POU2F1: variants seen among roughly 807,000 people sequenced by gnomAD.
The protein encoded by POU2F1 is POU domain, class 2, transcription factor 1.
Under a neutral mutation model 84.9 loss-of-function variants are expected in POU2F1, and 16 were observed. That is an observed-to-expected ratio of 0.19 (90% CI 0.13 to 0.29). The LOEUF (loss-of-function observed/expected upper bound fraction) is 0.29, where lower values mean the gene tolerates loss of function less well. Ranked by LOEUF, POU2F1 falls within the 10% of genes least tolerant of loss-of-function variation. The probability of loss-of-function intolerance (pLI) is 1.00; values close to 1 mark genes in which losing one functional copy is unlikely to be tolerated. For synonymous variants in POU2F1, 368 were observed against 368.3 expected (o/e 1.00, Z 0.01); for missense variants, 738 against 942.6 (o/e 0.78, Z 2.84).
At chr1:167,334,223 C>T (rs1036806077) in intron 2 of POU2F1, among the ~76,000 whole-genome samples, 1 of 134,434 alleles carries the variant, frequency 7.4e-6, no homozygotes, top group Non-Finnish European at 1.5e-5. Flanking sequence ...TGCAATGGTG[C>T]GACCTCGGCT....
In POU2F1 at chr1:167,255,519, T is replaced by TTAAAG. The variant is rs374823285; in HGVS notation, c.61+34562_61+34566dup. On this transcript the variant is annotated intron_variant, in intron 1 of 15. Coordinates refer to ENST00000367866, the MANE Select transcript of POU2F1 (RefSeq NM_002697.4). ...TTATGGTGCTGAAAACAAGCATACA[T>TTAAAG]TAAAGAATATGAAGAAAGGAGAATA... Among the ~76,000 whole-genome samples the TTAAAG allele has an allele frequency of 3.8e-3, 580 of 152,232 alleles. 3 individuals carry two copies. The highest frequency in any genetic ancestry group is 0.013 in the African/African-American group (558 of 41,532).
intron 1 of POU2F1, among the ~76,000 whole-genome samples, chr1:167,230,878 T>C (rs1649015334): frequency 6.6e-6 from 1 of 152,228 alleles, no homozygotes; most frequent in Admixed American, 6.5e-5. Flanking sequence ...TTTGTCACCA[T>C]GGGGTGACCC....
At chr1:167,397,361 C>T (rs910730850) in intron 10 of POU2F1, among the ~76,000 whole-genome samples, 11 of 152,040 alleles carry the variant, frequency 7.2e-5, no homozygotes, top group Admixed American at 2.0e-4. Flanking sequence ...CTTTTATCCC[C>T]AGAACTTATA....
chr1:167,289,306 G>A (rs985507701), intron 1 of POU2F1, among the ~76,000 whole-genome samples: 3 of 152,152 alleles, frequency 2.0e-5, no homozygotes, highest in Non-Finnish European at 4.4e-5. Context: ...TACCACTAAG[G>A]TTGCTGTACT....
intron 1 of POU2F1, among the ~76,000 whole-genome samples, chr1:167,224,380 TC>T (rs1250789092): frequency 1.3e-5 from 2 of 152,200 alleles, no homozygotes; most frequent in African/African-American, 4.8e-5. Context: ...GGCTGTGTAT[TC>T]TTTAAGGTGG....
intron 2 of POU2F1, among the ~76,000 whole-genome samples, chr1:167,353,394 C>T (rs551438871): frequency 6.6e-6 from 1 of 151,774 alleles, no homozygotes. Context: ...TCTCTTTACC[C>T]CCACCGCCTC....
chr1:167,308,032 T>C (rs1465699997), intron 1 of POU2F1, among the ~76,000 whole-genome samples: 11 of 152,112 alleles, frequency 7.2e-5, no homozygotes, highest in Admixed American at 7.2e-4. Flanking sequence ...TGTATTCTTA[T>C]TGCATCCTTT....
chr1:167,296,920 C>A (rs772574321), intron 1 of POU2F1, among the ~76,000 whole-genome samples: 1 of 152,000 alleles, frequency 6.6e-6, no homozygotes, highest in Non-Finnish European at 1.5e-5. Context: ...TGCAAATATG[C>A]TATATATGTT....
At chr1:167,289,406 TAGG>T (rs1341019069) in intron 1 of POU2F1, among the ~76,000 whole-genome samples, 1 of 152,160 alleles carries the variant, frequency 6.6e-6, no homozygotes, top group Admixed American at 6.5e-5. Flanking sequence ...GGTTTAAATT[TAGG>T]AGAAGTACAT....
At chr1:167,268,735 G>T (rs1365036116) in intron 1 of POU2F1, among the ~76,000 whole-genome samples, 4 of 152,182 alleles carry the variant, frequency 2.6e-5, no homozygotes, top group Admixed American at 6.5e-5. Flanking sequence ...AACCTACAGG[G>T]GTAGAAGTGG....
intron 1 of POU2F1, among the ~76,000 whole-genome samples, chr1:167,274,559 T>C (rs1284953935): frequency 6.6e-6 from 1 of 152,186 alleles, no homozygotes; most frequent in African/African-American, 2.4e-5. Flanking sequence ...ATTGTCCTTG[T>C]TTTTAGATGA....
intron 2 of POU2F1, among the ~76,000 whole-genome samples, chr1:167,346,644 A>G (rs1220279915): frequency 1.3e-5 from 2 of 152,110 alleles, no homozygotes; most frequent in African/African-American, 4.8e-5. Context: ...TCACGCGCCT[A>G]TGAGAATCTA....
At chr1:167,247,943 C>T (rs1263616961) in intron 1 of POU2F1, among the ~76,000 whole-genome samples, 1 of 152,186 alleles carries the variant, frequency 6.6e-6, no homozygotes, top group Non-Finnish European at 1.5e-5. Flanking sequence ...GTCAGATTCT[C>T]ATAACCAGTG....
chr1:167,265,519 G>A (rs1030549541), intron 1 of POU2F1, among the ~76,000 whole-genome samples: 2 of 152,172 alleles, frequency 1.3e-5, no homozygotes, highest in African/African-American at 4.8e-5. Flanking sequence ...GCAGCATGTG[G>A]TGAAGGTTAA....
chr1:167,413,129 T>C lies in POU2F1; in HGVS notation c.1990+15T>C. The C allele has an allele frequency of 6.3e-7, 1 of 1,594,966 alleles. No homozygotes were observed. The highest frequency in any genetic ancestry group is 2.2e-5 in the East Asian group (1 of 44,612). On this transcript the variant is annotated intron_variant, in intron 15 of 15. Coordinates refer to ENST00000367866, the MANE Select transcript of POU2F1 (RefSeq NM_002697.4). ...AACTATTCAAGGTCAGTAGAAGCCT[T>C]TTTCTTAATTTGGTGGCATGCACGT... is the stretch of plus-strand genomic sequence containing the variant.
intron 13 of POU2F1, among the ~76,000 whole-genome samples, chr1:167,402,136 T>G (rs984909083): frequency 1.4e-4 from 22 of 152,222 alleles, no homozygotes; most frequent in African/African-American, 5.3e-4. Context: ...TGTTTTTTTT[T>G]CCTTTGGCCT....
chr1:167,343,772 A>G (rs747854997), intron 2 of POU2F1, among the ~76,000 whole-genome samples: 5 of 149,030 alleles, frequency 3.4e-5, no homozygotes, highest in East Asian at 2.0e-4. Flanking sequence ...CTGAGTAGGA[A>G]CTGTACTGTT....
intron 1 of POU2F1, among the ~76,000 whole-genome samples, chr1:167,233,633 CAT>C (rs879944230): frequency 6.6e-6 from 1 of 152,164 alleles, no homozygotes; most frequent in Non-Finnish European, 1.5e-5. Flanking sequence ...CATCTAATGA[CAT>C]AGCATCGTTA....
chr1:167,401,698 A>T, intron 13 of POU2F1, 142 bp downstream of exon 13: 1 of 487,600 alleles, frequency 2.1e-6, no homozygotes, highest in Non-Finnish European at 3.4e-6. Flanking sequence ...CTTTAAAGTA[A>T]CTCCTTTCCT....
Sources: gnomAD v4.1 joint callset for allele counts (sites outside exome capture counted in the v4.1 genomes callset) on GRCh38, gnomAD v4.1.1 for gene constraint, MANE v1.5 for transcripts, NCBI Gene and HGNC (gene_info 2026-07-23, HGNC 2026-07-21) for gene names.